The following TUT7 variants were observed in gnomAD, a reference collection of about 807,000 sequenced individuals.
The protein encoded by TUT7 is terminal uridylyltransferase 7.
TUT7 carries 33 observed loss-of-function variants against 165.9 expected under a neutral mutation model. That is an observed-to-expected ratio of 0.20 (90% CI 0.15 to 0.27). TUT7 has a LOEUF of 0.27. TUT7 is among the 10% of genes least tolerant of loss of function. The pLI is 1.00. For missense variants in TUT7, 1,338 were observed against 1,762.3 expected (o/e 0.76, Z 4.31); for synonymous variants, 552 against 608.1 (o/e 0.91, Z 1.36).
chr9:86,353,186 G>T lies in TUT7; in HGVS notation c.14C>A (p.Ala5Glu). Residue 5 changes from alanine to glutamate, a missense_variant, in exon 2 of 27, where the codon GCA becomes GAA. Physicochemically the swap from Ala to Glu is moderately radical, Grantham distance 107 (BLOSUM62 -1). Coordinates refer to ENST00000375963, the MANE Select transcript of TUT7 (RefSeq NM_024617.4). ...AGTGCGCTTCACGAAATAAGGTTTTGCTGTATCTCCCATGGTCTTTGACTT... is the reference window on the plus strand; with the variant it reads ...AGTGCGCTTCACGAAATAAGGTTTTTCTGTATCTCCCATGGTCTTTGACTT... MGDT[A>E]KPYFVKRTKD... 6.3e-7 allele frequency: 1 copy of T among 1,579,882 alleles called. No homozygotes were observed. The highest frequency in any genetic ancestry group is 8.6e-7 in the Non-Finnish European group (1 of 1,167,870).
intron 22 of TUT7, among the ~76,000 whole-genome samples, chr9:86,306,800 C>G (rs2031264): frequency 0.22 from 33,534 of 151,564 alleles, 4,311 homozygotes; most frequent in East Asian, 0.38. Context: ...CTCTGTCCCC[C>G]GCAAAAACAA....
rs184393402 is a variant in TUT7, at chr9:86,342,019, G to A, written c.1087-966C>T. Among the ~76,000 whole-genome samples the A allele has an allele frequency of 1.6e-4, 24 of 152,170 alleles. No homozygotes were observed. The East Asian group carries it at 2.9e-3, about 18-fold the overall frequency. On this transcript the variant is annotated intron_variant, in intron 6 of 26. Coordinates refer to ENST00000375963, the MANE Select transcript of TUT7 (RefSeq NM_024617.4). ...ATTTGCTAAATGAATTAATGACACC[G>A]GATCAAAATAACTGCTATGGCTGGT...
chr9:86,312,246 G>A (rs551492063), intron 17 of TUT7, among the ~76,000 whole-genome samples: 2 of 151,850 alleles, frequency 1.3e-5, no homozygotes, highest in East Asian at 3.9e-4. Context: ...CATCGTCTGA[G>A]ATGTGGGGAG....
chr9:86,352,132 C>A (rs1166659090), intron 2 of TUT7, among the ~76,000 whole-genome samples: 3 of 152,058 alleles, frequency 2.0e-5, no homozygotes, highest in Non-Finnish European at 4.4e-5. Flanking sequence ...TTGTCACGAT[C>A]CCTTTTGAAA....
At chr9:86,352,535 T>C in intron 2 of TUT7, 145 bp downstream of exon 2, 1 of 914,684 alleles carries the variant, frequency 1.1e-6, no homozygotes, top group African/African-American at 1.6e-5. Flanking sequence ...ATCCTTAAAA[T>C]AATCACACTA....
intron 17 of TUT7, among the ~76,000 whole-genome samples, chr9:86,313,332 C>A (rs1828398903): frequency 6.6e-6 from 1 of 151,994 alleles, no homozygotes; most frequent in African/African-American, 2.4e-5. Flanking sequence ...TGTGAACTTT[C>A]ATGGTGGCAT....
At chr9:86,297,541 C>T (rs1587849872) in intron 26 of TUT7, among the ~76,000 whole-genome samples, 2 of 152,212 alleles carry the variant, frequency 1.3e-5, no homozygotes, top group East Asian at 3.9e-4. Flanking sequence ...AAGGCTGAAG[C>T]TTATGGCCAG....
At chr9:86,334,895 G>C (rs1432924450) in intron 10 of TUT7, among the ~76,000 whole-genome samples, 3 of 152,066 alleles carry the variant, frequency 2.0e-5, no homozygotes, top group African/African-American at 7.2e-5. Context: ...AGAAAAACAG[G>C]AGACTCACTC....
At chr9:86,301,670 A>G in intron 25 of TUT7, 69 bp from the exon 26 acceptor site, 1 of 1,531,608 alleles carries the variant, frequency 6.5e-7, no homozygotes, top group Non-Finnish European at 8.7e-7. Context: ...GGCAATTCCC[A>G]AAATATTAAG....
chr9:86,313,750 T>G lies in TUT7; in HGVS notation c.3275-2941A>C, dbSNP rs920410223. ...CACAAGGAAGGGCAGATTAATGGAG[T>G]TGGTTCCTGCAGAAGGGAAGCGGTA... On this transcript the variant is annotated intron_variant, in intron 17 of 26. Transcript: ENST00000375963. 3.3e-5 allele frequency among the ~76,000 whole-genome samples: 5 copies of G among 152,088 alleles called. No homozygotes were observed. In the East Asian group the frequency reaches 5.8e-4, roughly 18 times the overall value.
At chr9:86,350,540 C>A (rs936024115) in intron 2 of TUT7, among the ~76,000 whole-genome samples, 4 of 152,214 alleles carry the variant, frequency 2.6e-5, no homozygotes, top group Non-Finnish European at 2.9e-5. Flanking sequence ...TCAGGTCCAG[C>A]GAGGCTGAGT....
chr9:86,295,402 A>C (rs993101006), intron 26 of TUT7, among the ~76,000 whole-genome samples: 3 of 152,180 alleles, frequency 2.0e-5, no homozygotes, highest in African/African-American at 7.2e-5. Context: ...TTAGATATCA[A>C]CTTTAAAAAT....
rs1587896563 is a variant in TUT7, at chr9:86,311,776, C to T, written c.3275-967G>A. Among the ~76,000 whole-genome samples the T allele has an allele frequency of 2.0e-5, 3 of 152,076 alleles. No individual in the cohort carries two copies. The highest frequency in any genetic ancestry group is 2.0e-4 in the Admixed American group (3 of 15,272). ...CTGCGATTGCAGGTGCGCGCCGCCACGCCTGACTGGTTTTCGTATTTTTTT... is the reference window on the plus strand; with the variant it reads ...CTGCGATTGCAGGTGCGCGCCGCCATGCCTGACTGGTTTTCGTATTTTTTT... On this transcript the variant is annotated intron_variant, in intron 17 of 26. Transcript: ENST00000375963. The surrounding 1 kb of genome is among the most constrained non-coding windows in gnomAD (Gnocchi z 4.4).
intron 17 of TUT7, among the ~76,000 whole-genome samples, chr9:86,312,252 G>T (rs974985653): frequency 6.6e-6 from 1 of 151,202 alleles, no homozygotes; most frequent in Non-Finnish European, 1.5e-5. Flanking sequence ...CTGAGATGTG[G>T]GGAGCGCCTC....
At chr9:86,342,589 T>C (rs901065235) in intron 6 of TUT7, among the ~76,000 whole-genome samples, 2 of 152,144 alleles carry the variant, frequency 1.3e-5, no homozygotes, top group East Asian at 3.9e-4. Context: ...AGTTTTAAAA[T>C]TCTAACTCAT....
intron 25 of TUT7, 125 bp downstream of exon 25, chr9:86,302,956 AAACTT>A: frequency 1.9e-6 from 1 of 517,396 alleles, no homozygotes; most frequent in Non-Finnish European, 3.5e-6. Flanking sequence ...ATAAAATAAA[AAACTT>A]AAATGTATCT....
At chr9:86,338,752 T>C in intron 9 of TUT7, 71 bp downstream of exon 9, 1 of 1,395,862 alleles carries the variant, frequency 7.2e-7, no homozygotes, top group Non-Finnish European at 9.4e-7. Context: ...GAAGATTAAA[T>C]TAAGTAAAAA....
In TUT7 at chr9:86,306,472, T is replaced by C. The variant is rs560550691; in HGVS notation, c.3839-1233A>G. On this transcript the variant is annotated intron_variant, in intron 22 of 26. Transcript: ENST00000375963. ...TGTGTATTTTTGGTTATTTGCTTGGTGTAGTGGAGATACTACAATATTAGC... is the reference window on the plus strand; with the variant it reads ...TGTGTATTTTTGGTTATTTGCTTGGCGTAGTGGAGATACTACAATATTAGC... 4.6e-5 allele frequency among the ~76,000 whole-genome samples: 7 copies of C among 152,330 alleles called. No individual in the cohort carries two copies. The South Asian group carries it at 1.4e-3, about 32-fold the overall frequency.
chr9:86,327,175 C>T (rs1367857309), intron 11 of TUT7, among the ~76,000 whole-genome samples: 1 of 152,162 alleles, frequency 6.6e-6, no homozygotes, highest in Non-Finnish European at 1.5e-5. Flanking sequence ...TTACATTTTA[C>T]CTCTTTATCC....
Sources: allele counts gnomAD v4.1 joint callset (sites outside exome capture counted in the v4.1 genomes callset), GRCh38; gene constraint gnomAD v4.1.1; non-coding constraint Gnocchi (gnomAD v3.1); transcripts MANE v1.5; gene names NCBI Gene and HGNC (gene_info 2026-07-23, HGNC 2026-07-21).